Variants in MTBP observed in about 807,000 individuals in gnomAD.
MTBP encodes the protein MDM2 binding protein.
In MTBP, 101 loss-of-function variants were observed where a neutral mutation model predicts 117.0. The ratio of observed to expected loss-of-function variants is 0.86; its 90% CI spans 0.73 to 1.02. The LOEUF (loss-of-function observed/expected upper bound fraction) is 1.02. Ranked by LOEUF, MTBP falls within the 50% of genes least tolerant of loss-of-function variation. The pLI is 0.00. For missense variants in MTBP, 970 were observed against 1,030.9 expected (o/e 0.94, Z 0.81); for synonymous variants, 350 against 351.5 (o/e 1.00, Z 0.05).
rs913720040 is a variant in MTBP at position 120,506,876 on chromosome 8, TATA to T, written c.1883+18_1883+20del. 3 of 1,552,518 alleles carry T rather than the reference TATA, an allele frequency of 1.9e-6. No homozygotes were observed. In the African/African-American group the frequency reaches 4.2e-5, roughly 22 times the overall value. On this transcript the variant is annotated intron_variant, in intron 16 of 21. Transcript: ENST00000305949. ...ATTCAAAAGGGGTAGGTTATAAACT[TATA>T]ATTTCCAGTTAACTTTTTAAAAATT...
At chr8:120,463,977 G>A (rs1381517786) in intron 10 of MTBP, among the ~76,000 whole-genome samples, 2 of 151,962 alleles carry the variant, frequency 1.3e-5, no homozygotes, top group Non-Finnish European at 2.9e-5. Context: ...GTGACATTTT[G>A]TTTTTAGGAG....
At position 120,523,293 on chromosome 8, in the gene MTBP, C is replaced by G. The variant is rs1815035386; in HGVS notation, c.2677-5C>G. 6.5e-7 allele frequency: 1 copy of G among 1,541,122 alleles called. No individual in the cohort carries two copies. Among genetic ancestry groups the G allele is most frequent in the Non-Finnish European group, 8.8e-7 (1 of 1,132,988 alleles). ...CTTCTGTAATCATATTTTTTCTCCCCCTAGGTGATTGACTGGGTATTAGAA... is the reference window on the plus strand; with the variant it reads ...CTTCTGTAATCATATTTTTTCTCCCGCTAGGTGATTGACTGGGTATTAGAA... On this transcript the variant is annotated splice_region_variant and splice_polypyrimidine_tract_variant and intron_variant, in intron 21 of 21. Transcript: ENST00000305949.
chr8:120,489,789 G>T (rs966355810), intron 12 of MTBP, among the ~76,000 whole-genome samples: 26 of 152,072 alleles, frequency 1.7e-4, no homozygotes, highest in Admixed American at 1.7e-3. Context: ...CTGCATGTAC[G>T]CCATTTGCAC....
chr8:120,477,788 CTT>C (rs759899601), intron 11 of MTBP, among the ~76,000 whole-genome samples: 8 of 152,310 alleles, frequency 5.3e-5, no homozygotes, highest in Admixed American at 2.6e-4. Flanking sequence ...AATAGGAACA[CTT>C]ATACACTGTT....
Position 120,459,212 on chromosome 8 carries a change from C to A in MTBP, c.748-3C>A. On this transcript the variant is annotated splice_polypyrimidine_tract_variant and splice_region_variant and intron_variant, in intron 7 of 21. Transcript: ENST00000305949. ...TAACTGTGTTTTCTTGGTCTCTTTT[C>A]AGTTTGGATTTGAAATTAGTTTTCC... 1 of 1,604,990 alleles carries A rather than the reference C, an allele frequency of 6.2e-7. No individual in the cohort carries two copies. The highest frequency in any genetic ancestry group is 8.5e-7 in the Non-Finnish European group (1 of 1,174,516).
chr8:120,522,677 A>G lies in MTBP; in HGVS notation c.2634A>G (p.Leu878=), dbSNP rs752671156. The G allele has an allele frequency of 5.5e-5, 89 of 1,606,210 alleles. No homozygotes were observed. Among genetic ancestry groups the G allele is most frequent in the Middle Eastern group, 3.3e-4 (2 of 6,010 alleles). Residue 878 remains leucine, a synonymous_variant, in exon 21 of 22, where the codon CTA becomes CTG. Coordinates refer to ENST00000305949, the MANE Select transcript of MTBP (RefSeq NM_022045.5). The part of the protein sequence containing the change: ...YLKDLKTSRG[L]FEEMKKTANN... The stretch of plus-strand genomic sequence containing the variant: ...AGGATCTTAAAACTTCAAGGGGTCT[A>G]TTTGAAGAAATGAAGAAAACAGCAA...
At chr8:120,445,846 T>C (rs1481060846) in intron 1 of MTBP, among the ~76,000 whole-genome samples, 1 of 152,174 alleles carries the variant, frequency 6.6e-6, no homozygotes, top group African/African-American at 2.4e-5. Context: ...TTCTATGCCT[T>C]AGTAATGGAA....
At chr8:120,520,197 A>G (rs1351901094) in intron 20 of MTBP, among the ~76,000 whole-genome samples, 2 of 152,164 alleles carry the variant, frequency 1.3e-5, no homozygotes, top group Non-Finnish European at 2.9e-5. Context: ...AGAAAACTTC[A>G]TAAAAACTAT....
Position 120,488,179 on chromosome 8 carries a change from G to T in MTBP, c.1186G>T (p.Gly396Ter). Reference protein sequence around the residue: ...TISVPDVEVKGECSSYYLLLQ... With the variant: ...TISVPDVEVK ...TTTAGTTCCAGATGTTGAAGTGAAA[G>T]GAGAGTGTTCTAGCTATTATCTCTT... The change falls in exon 12 of 22, where the codon GGA (glycine) becomes TGA (stop). Residue 396 changes from glycine to a stop codon, truncating the protein, a stop_gained. Coordinates refer to ENST00000305949, the MANE Select transcript of MTBP (RefSeq NM_022045.5). LOFTEE classifies it high-confidence loss of function. The T allele has an allele frequency of 6.3e-7, 1 of 1,582,512 alleles. No homozygotes were observed. Among genetic ancestry groups the T allele is most frequent in the East Asian group, 2.3e-5 (1 of 42,838 alleles).
chr8:120,514,140 T>C (rs889195418), intron 17 of MTBP, among the ~76,000 whole-genome samples: 68 of 152,006 alleles, frequency 4.5e-4, no homozygotes, highest in African/African-American at 1.6e-3. Context: ...GATGTACGTA[T>C]GTATAGTGAA....
chr8:120,455,071 G>T (rs1813438864), intron 5 of MTBP, among the ~76,000 whole-genome samples: 1 of 148,686 alleles, frequency 6.7e-6, no homozygotes, highest in Non-Finnish European at 1.5e-5. Context: ...AATTGCACAG[G>T]TTTTTTTTTT....
intron 17 of MTBP, among the ~76,000 whole-genome samples, chr8:120,510,929 G>A (rs959527226): frequency 2.0e-5 from 3 of 149,438 alleles, no homozygotes; most frequent in Non-Finnish European, 3.0e-5. Context: ...AAAAAAAAAA[G>A]AATTTGAAGA....
intron 2 of MTBP, among the ~76,000 whole-genome samples, chr8:120,447,110 T>C (rs1174167772): frequency 6.6e-6 from 1 of 152,186 alleles, no homozygotes; most frequent in African/African-American, 2.4e-5. Context: ...CTGCTTCTTG[T>C]CCTTTACTGG....
intron 8 of MTBP, among the ~76,000 whole-genome samples, chr8:120,460,093 T>C (rs1448299809): frequency 2.6e-5 from 4 of 152,160 alleles, no homozygotes; most frequent in African/African-American, 9.7e-5. Context: ...TGATGGTTAA[T>C]ATTTTCTAAT....
chr8:120,458,272 T>G (rs1180980346), intron 7 of MTBP, among the ~76,000 whole-genome samples: 1 of 152,210 alleles, frequency 6.6e-6, no homozygotes, highest in East Asian at 1.9e-4. Flanking sequence ...CTTTCTAGTT[T>G]AACGTAGCAT....
At chr8:120,489,150 T>A (rs1176513526) in intron 12 of MTBP, among the ~76,000 whole-genome samples, 2 of 151,080 alleles carry the variant, frequency 1.3e-5, no homozygotes, top group Non-Finnish European at 2.9e-5. Flanking sequence ...GCAATTCTCC[T>A]GCCTCAGCCT....
intron 10 of MTBP, among the ~76,000 whole-genome samples, chr8:120,464,141 G>A (rs916189647): frequency 2.0e-5 from 3 of 151,962 alleles, no homozygotes; most frequent in Non-Finnish European, 4.4e-5. Flanking sequence ...TAGGGCAGGG[G>A]ATGAAAGTGG....
intron 7 of MTBP, among the ~76,000 whole-genome samples, chr8:120,456,992 A>G (rs1323812375): frequency 6.6e-6 from 1 of 152,212 alleles, no homozygotes; most frequent in African/African-American, 2.4e-5. Context: ...CTTTTAAAAT[A>G]TAGAATTTTT....
At chr8:120,507,828 A>T (rs922348727) in intron 16 of MTBP, among the ~76,000 whole-genome samples, 8 of 152,256 alleles carry the variant, frequency 5.3e-5, no homozygotes, top group Admixed American at 2.6e-4. Flanking sequence ...TGAAAGATTG[A>T]TAACCTTTTG....
Sources: gnomAD v4.1 joint callset for allele counts (sites outside exome capture counted in the v4.1 genomes callset) on GRCh38, gnomAD v4.1.1 for gene constraint, MANE v1.5 for transcripts, NCBI Gene and HGNC (gene_info 2026-07-23, HGNC 2026-07-21) for gene names.